IL12A: variants seen among roughly 807,000 people sequenced by gnomAD.
IL12A encodes the protein interleukin-12 subunit alpha.
A neutral mutation model predicts 23.5 loss-of-function variants in IL12A; 16 were observed. The ratio of observed to expected loss-of-function variants is 0.68; its 90% CI spans 0.46 to 1.03. IL12A has a LOEUF of 1.03. Among genes scored for constraint, IL12A ranks in the 50% least tolerant of loss-of-function variants. The pLI is 0.00. For missense variants in IL12A, 275 were observed against 307.0 expected, an observed-to-expected ratio of 0.90 and a Z score of 0.78; for synonymous variants, 106 against 111.5, an observed-to-expected ratio of 0.95 and a Z score of 0.31.
At chr3:159,992,594 T>C (rs1423623124) in intron 2 of IL12A, among the ~76,000 whole-genome samples, 1 of 152,212 alleles carries the variant, frequency 6.6e-6, no homozygotes, top group Non-Finnish European at 1.5e-5. Flanking sequence ...ATGTTTGTTA[T>C]ATCCATCAGA....
chr3:159,990,024 G>GT, intron 1 of IL12A, 143 bp from the exon 2 acceptor site: 1 of 756,142 alleles, frequency 1.3e-6, no homozygotes, highest in African/African-American at 1.7e-5. Flanking sequence ...TCTCTCAGGT[G>GT]TTGAAGGAAA....
intron 1 of IL12A, 106 bp from the exon 2 acceptor site, chr3:159,990,060 TG>T: frequency 9.0e-7 from 1 of 1,106,182 alleles, no homozygotes; most frequent in Non-Finnish European, 1.3e-6. Context: ...TTGAGGGAGG[TG>T]GGTGCCAAGC....
In IL12A at chr3:159,995,692, C is replaced by T; in HGVS notation, c.*133C>T. The T allele has an allele frequency of 3.6e-6, 2 of 555,190 alleles. No individual in the cohort carries two copies. Among genetic ancestry groups the T allele is most frequent in the Middle Eastern group, 2.9e-4 (1 of 3,478 alleles). 34.4% of individuals were successfully genotyped at this position (555,190 alleles called of 1,614,324 possible). On this transcript the variant is annotated 3_prime_UTR_variant, in exon 7 of 7. Transcript: ENST00000305579. ...ATTACATCCACATGATACCTCTGAT[C>T]AAGTATTTTTGACATTTACTGTGGA...
Position 159,989,042 on chromosome 3 carries a change from G to A in IL12A, c.-15G>A, listed in dbSNP as rs762763503. The A allele has an allele frequency of 1.2e-6, 2 of 1,606,124 alleles. No individual in the cohort carries two copies. Among genetic ancestry groups the A allele is most frequent in the Non-Finnish European group, 1.7e-6 (2 of 1,173,236 alleles). On this transcript the variant is annotated 5_prime_UTR_variant, in exon 1 of 7. Transcript: ENST00000305579. ...TCCCGGGAAAGTCCTGCCGCGCCTC[G>A]GGACAATTATAAAAATGTGGCCCCC...
chr3:159,994,396 C>G (rs1720423673), intron 6 of IL12A: 1 of 153,514 alleles, frequency 6.5e-6, no homozygotes, highest in African/African-American at 2.4e-5. Flanking sequence ...TCTGGGGCAT[C>G]TATAATGTTA....
In IL12A at chr3:159,991,452, A is replaced by G. The variant is rs573676878; in HGVS notation, c.264+1140A>G. On this transcript the variant is annotated intron_variant, in intron 2 of 6. Coordinates refer to ENST00000305579, the MANE Select transcript of IL12A (RefSeq NM_000882.4). ...ATTCAAAAACCAAACATTTCAATTAAGATTTCAAAATTCTAGCTTCTCTTG... is the reference window on the plus strand; with the variant it reads ...ATTCAAAAACCAAACATTTCAATTAGGATTTCAAAATTCTAGCTTCTCTTG... Among the ~76,000 whole-genome samples, 8 of 152,364 alleles carry G rather than the reference A, an allele frequency of 5.3e-5. No individual in the cohort carries two copies. In the South Asian group the frequency reaches 1.7e-3, roughly 32 times the overall value.
chr3:159,990,239 C>T lies in IL12A; in HGVS notation c.191C>T (p.Pro64Leu). The change falls in exon 2 of 7, where the codon CCA becomes CTA. Residue 64 changes from proline (P) to leucine (L), a missense_variant. Pro to Leu is a moderately conservative substitution (Grantham distance 98). Transcript: ENST00000305579. Reference sequence around the variant, plus strand: ...GCCAGAAACCTCCCCGTGGCCACTCCAGACCCAGGAATGTTCCCATGCCTT... The same window carrying T: ...GCCAGAAACCTCCCCGTGGCCACTCTAGACCCAGGAATGTTCCCATGCCTT... 6.2e-7 allele frequency: 1 copy of T among 1,614,052 alleles called. No homozygotes were observed. The highest frequency in any genetic ancestry group is 8.5e-7 in the Non-Finnish European group (1 of 1,179,996).
intron 2 of IL12A, among the ~76,000 whole-genome samples, chr3:159,991,363 C>T (rs376296728): frequency 9.9e-5 from 15 of 152,140 alleles, no homozygotes; most frequent in East Asian, 5.8e-4. Context: ...AGTGATTCAC[C>T]GGCCATATCC....
rs1720481412 is a variant in IL12A at position 159,995,621 on chromosome 3, T to C, written c.*62T>C. 7.5e-7 allele frequency: 1 copy of C among 1,325,044 alleles called. No individual in the cohort carries two copies. Among genetic ancestry groups the C allele is most frequent in the African/African-American group, 1.5e-5 (1 of 67,158 alleles). 82.1% of individuals were successfully genotyped at this position (1,325,044 alleles called of 1,614,324 possible). On this transcript the variant is annotated 3_prime_UTR_variant, in exon 7 of 7. Coordinates refer to ENST00000305579, the MANE Select transcript of IL12A (RefSeq NM_000882.4). ...AAACTTTGAAATGAGGAAACTTTGA[T>C]AGGATGTGGATTAAGAACTAGGGAG...
At chr3:159,995,156 T>C (rs1720452035) in intron 6 of IL12A, among the ~76,000 whole-genome samples, 2 of 152,218 alleles carry the variant, frequency 1.3e-5, no homozygotes, top group South Asian at 4.1e-4. Context: ...CTCCCACTGA[T>C]GATTTTTTCT....
chr3:159,994,483 A>G (rs1341521246), intron 6 of IL12A, among the ~76,000 whole-genome samples: 1 of 152,210 alleles, frequency 6.6e-6, no homozygotes, highest in Non-Finnish European at 1.5e-5. Context: ...ATATTTATAT[A>G]AGCGAGGGTG....
chr3:159,991,619 A>C (rs1263118872), intron 2 of IL12A, among the ~76,000 whole-genome samples: 1 of 152,208 alleles, frequency 6.6e-6, no homozygotes, highest in Non-Finnish European at 1.5e-5. Flanking sequence ...TCACAAATGT[A>C]GTGGGTTTAA....
chr3:159,993,013 C>A lies in IL12A; in HGVS notation c.266C>A (p.Ala89Asp), dbSNP rs773066368. 1.8e-5 allele frequency: 28 copies of A among 1,553,750 alleles called. No homozygotes were observed. The highest frequency in any genetic ancestry group is 2.2e-5 in the Non-Finnish European group (25 of 1,126,426). Residue 89 changes from alanine (A) to aspartate (D), a missense_variant and splice_region_variant, in exon 3 of 7, where the codon GCC becomes GAC. Physicochemically the swap from Ala to Asp is moderately radical, Grantham distance 126. Coordinates refer to ENST00000305579, the MANE Select transcript of IL12A (RefSeq NM_000882.4). ...GAGTTTCTCCTTCATTTTTTATAGGCCAGACAAACTCTAGAATTTTACCCT... is the reference window on the plus strand; with the variant it reads ...GAGTTTCTCCTTCATTTTTTATAGGACAGACAAACTCTAGAATTTTACCCT...
In IL12A at chr3:159,995,533, G is replaced by T. The variant is rs376588371; in HGVS notation, c.736G>T (p.Val246Leu). 1 of 1,604,498 alleles carries T rather than the reference G, an allele frequency of 6.2e-7. No individual in the cohort carries two copies. The highest frequency in any genetic ancestry group is 2.3e-5 in the East Asian group (1 of 44,306). ...AATTCGGGCAGTGACTATTGATAGA[G>T]TGATGAGCTATCTGAATGCTTCCTA... is the stretch of plus-strand genomic sequence containing the variant. The change falls in exon 7 of 7, where the codon GTG (valine) becomes TTG (leucine). Residue 246 changes from valine (V) to leucine (L), a missense_variant. Physicochemically the swap from Val to Leu is conservative, Grantham distance 32. Coordinates refer to ENST00000305579, the MANE Select transcript of IL12A (RefSeq NM_000882.4).
intron 6 of IL12A, among the ~76,000 whole-genome samples, chr3:159,994,959 G>A (rs1388619368): frequency 6.6e-6 from 1 of 152,138 alleles, no homozygotes. Context: ...TTCATTGCCA[G>A]GTTTATCTGA....
Position 159,993,834 on chromosome 3 carries a change from A to G in IL12A, c.596A>G (p.Glu199Gly). 1.2e-6 allele frequency: 2 copies of G among 1,614,088 alleles called. No homozygotes were observed. Among genetic ancestry groups the G allele is most frequent in the South Asian group, 2.2e-5 (2 of 91,070 alleles). Residue 199 changes from glutamate to glycine, a missense_variant, in exon 6 of 7, where the codon GAG becomes GGG. Transcript: ENST00000305579. ...CAAAACATGCTGGCAGTTATTGATG[A>G]GCTGATGCAGGTAAGACTTCATTCT...
At chr3:159,994,480 T>C (rs1373439834) in intron 6 of IL12A, among the ~76,000 whole-genome samples, 1 of 152,184 alleles carries the variant, frequency 6.6e-6, no homozygotes, top group Non-Finnish European at 1.5e-5. Flanking sequence ...CAAATATTTA[T>C]ATAAGCGAGG....
At chr3:159,989,265 G>A in intron 1 of IL12A, 91 bp downstream of exon 1, 1 of 965,264 alleles carries the variant, frequency 1.0e-6, no homozygotes, top group Non-Finnish European at 1.6e-6. Context: ...GTCTGCCTAA[G>A]GAGAGACTGG....
intron 1 of IL12A, 120 bp from the exon 2 acceptor site, chr3:159,990,047 G>A: frequency 1.1e-6 from 1 of 930,884 alleles, no homozygotes; most frequent in African/African-American, 1.6e-5. Flanking sequence ...TGTTGGAAAT[G>A]GGTTGAGGGA....
Sources: allele counts gnomAD v4.1 joint callset (sites outside exome capture counted in the v4.1 genomes callset), GRCh38; gene constraint gnomAD v4.1.1; transcripts MANE v1.5; gene names NCBI Gene and HGNC (gene_info 2026-07-23, HGNC 2026-07-21).